PDGFRL: variants seen among roughly 807,000 people sequenced by gnomAD.
The protein encoded by PDGFRL is platelet derived growth factor receptor like, also known as platelet-derived growth factor receptor-like protein.
PDGFRL carries 46 observed loss-of-function variants against 37.2 expected under a neutral mutation model. The observed-to-expected ratio is 1.24, with a 90% CI of 0.98 to 1.58. The LOEUF is 1.58. Among genes scored for constraint, PDGFRL ranks in the 40% most tolerant of loss-of-function variants. PDGFRL has a pLI of 0.00. For synonymous variants in PDGFRL, 251 were observed against 184.3 expected, an observed-to-expected ratio of 1.36 and a Z score of -2.93; for missense variants, 692 against 467.6, an observed-to-expected ratio of 1.48 and a Z score of -4.43.
intron 2 of PDGFRL, among the ~76,000 whole-genome samples, chr8:17,619,731 G>C (rs937559896): frequency 2.0e-5 from 3 of 152,164 alleles, no homozygotes; most frequent in Admixed American, 2.0e-4. Flanking sequence ...CATTTATGTT[G>C]ACTGCTTACA....
intron 4 of PDGFRL, 123 bp from the exon 5 acceptor site, chr8:17,633,951 G>A (rs575962646): frequency 3.1e-6 from 3 of 966,038 alleles, no homozygotes; most frequent in African/African-American, 1.6e-5. Flanking sequence ...TCCTCGCACT[G>A]GTCAGGGAGC....
intron 1 of PDGFRL, 94 bp from the exon 2 acceptor site, chr8:17,589,374 A>G: frequency 2.3e-6 from 2 of 868,922 alleles, no homozygotes; most frequent in Non-Finnish European, 1.7e-6. Context: ...CAATAGAGTA[A>G]GAATCTGTCT....
At chr8:17,615,415 T>C (rs984025581) in intron 2 of PDGFRL, among the ~76,000 whole-genome samples, 1 of 152,126 alleles carries the variant, frequency 6.6e-6, no homozygotes, top group Non-Finnish European at 1.5e-5. Flanking sequence ...TTCTGTAGGA[T>C]GAAAATCCAT....
At chr8:17,638,495 CTGA>C (rs1391774481) in intron 5 of PDGFRL, among the ~76,000 whole-genome samples, 1 of 151,668 alleles carries the variant, frequency 6.6e-6, no homozygotes, top group Non-Finnish European at 1.5e-5. Flanking sequence ...GTTCCATGTG[CTGA>C]TGAATAGAAT....
At chr8:17,581,812 C>T (rs1030986780) in intron 1 of PDGFRL, among the ~76,000 whole-genome samples, 2 of 152,124 alleles carry the variant, frequency 1.3e-5, no homozygotes, top group Non-Finnish European at 2.9e-5. Context: ...GCCAAATAAA[C>T]CTCTTTTCTT....
At chr8:17,628,202 G>C (rs1804775568) in intron 3 of PDGFRL, among the ~76,000 whole-genome samples, 1 of 151,248 alleles carries the variant, frequency 6.6e-6, no homozygotes, top group African/African-American at 2.4e-5. Flanking sequence ...CACCGTGTTA[G>C]CCAGGATGGT....
chr8:17,611,880 T>A (rs535874183), intron 2 of PDGFRL, among the ~76,000 whole-genome samples: 1 of 152,170 alleles, frequency 6.6e-6, no homozygotes, highest in East Asian at 1.9e-4. Flanking sequence ...TCAATGGTGA[T>A]AGCAGCCTGG....
chr8:17,633,926 T>G, intron 4 of PDGFRL, 148 bp from the exon 5 acceptor site: 1 of 808,636 alleles, frequency 1.2e-6, no homozygotes, highest in Non-Finnish European at 2.1e-6. Context: ...AGCCCCAAGT[T>G]GTGGGCTCAC....
chr8:17,617,986 CCTTTT>C (rs201927509), intron 2 of PDGFRL, among the ~76,000 whole-genome samples: 27 of 106,064 alleles, frequency 2.5e-4, no homozygotes, highest in African/African-American at 5.8e-4. Flanking sequence ...TTTTCCCTTC[CCTTTT>C]CTTTTCTTTT....
intron 5 of PDGFRL, among the ~76,000 whole-genome samples, chr8:17,642,209 C>G (rs1420032611): frequency 6.6e-6 from 1 of 152,156 alleles, no homozygotes; most frequent in Admixed American, 6.5e-5. Context: ...AGGCTACTGA[C>G]TTTCAGTTCT....
intron 2 of PDGFRL, among the ~76,000 whole-genome samples, chr8:17,614,026 T>C (rs529215298): frequency 3.7e-4 from 57 of 152,296 alleles, no homozygotes; most frequent in African/African-American, 1.3e-3. Context: ...TTGGATAGTA[T>C]GCAAATGTGG....
chr8:17,603,171 A>G (rs891967832), intron 2 of PDGFRL, among the ~76,000 whole-genome samples: 2 of 152,008 alleles, frequency 1.3e-5, no homozygotes, highest in African/African-American at 4.8e-5. Context: ...TTTAGTAGAG[A>G]CGGGGTTTTG....
At chr8:17,629,039 T>A (rs1804799859) in intron 4 of PDGFRL, among the ~76,000 whole-genome samples, 1 of 149,762 alleles carries the variant, frequency 6.7e-6, no homozygotes, top group Admixed American at 6.6e-5. Context: ...CTCCTTAGCC[T>A]CCTGAGTAGC....
intron 2 of PDGFRL, 118 bp from the exon 3 acceptor site, chr8:17,620,933 A>G (rs377151131): frequency 5.5e-5 from 28 of 505,772 alleles, no homozygotes; most frequent in African/African-American, 2.7e-4. Context: ...ATATTACTCT[A>G]TGACATCGGA....
intron 3 of PDGFRL, among the ~76,000 whole-genome samples, chr8:17,628,110 C>T: frequency 6.7e-6 from 1 of 149,976 alleles, no homozygotes; most frequent in Non-Finnish European, 1.5e-5. Flanking sequence ...TTTCCTGCCT[C>T]AGCCTCCCGA....
In PDGFRL at chr8:17,628,660, A is replaced by C; in HGVS notation, c.679A>C (p.Met227Leu). ...CAATGGAACGGACATTGTTTATGAC[A>C]TGAAGCGGGGCTTTGTGTATCTGCA... is the stretch of plus-strand genomic sequence containing the variant. Reference protein sequence around the residue: ...PANGTDIVYDMKRGFVYLQPH... With the variant: ...PANGTDIVYDLKRGFVYLQPH... Residue 227 changes from methionine (M) to leucine (L), a missense_variant, in exon 4 of 6, where the codon ATG (methionine) becomes CTG (leucine). Transcript: ENST00000251630. The C allele has an allele frequency of 6.2e-7, 1 of 1,614,210 alleles. No homozygotes were observed. The highest frequency in any genetic ancestry group is 2.2e-5 in the East Asian group (1 of 44,872).
intron 1 of PDGFRL, among the ~76,000 whole-genome samples, chr8:17,585,934 G>A (rs543856543): frequency 6.6e-6 from 1 of 151,186 alleles, no homozygotes; most frequent in African/African-American, 2.4e-5. Context: ...TTGGATATAA[G>A]GGTTTTGGGG....
chr8:17,584,189 A>C (rs1803767178), intron 1 of PDGFRL, among the ~76,000 whole-genome samples: 1 of 152,186 alleles, frequency 6.6e-6, no homozygotes, highest in South Asian at 2.1e-4. Flanking sequence ...ATTTAAAACA[A>C]GTGCGACTTG....
intron 4 of PDGFRL, among the ~76,000 whole-genome samples, chr8:17,629,159 G>C (rs1210711448): frequency 1.3e-5 from 2 of 150,336 alleles, no homozygotes; most frequent in Admixed American, 6.6e-5. Context: ...CGACCTCCTG[G>C]GCTTAAACAA....
Sources: gnomAD v4.1 joint callset for allele counts (sites outside exome capture counted in the v4.1 genomes callset) on GRCh38, gnomAD v4.1.1 for gene constraint, MANE v1.5 for transcripts, NCBI Gene and HGNC (gene_info 2026-07-23, HGNC 2026-07-21) for gene names.